CLIC5: variants seen among roughly 807,000 people sequenced by gnomAD.
CLIC5 encodes the protein chloride intracellular channel protein 5.
Under a neutral mutation model 24.7 loss-of-function variants are expected in CLIC5, and 20 were observed. The ratio of observed to expected loss-of-function variants is 0.81; its 90% confidence interval spans 0.57 to 1.18. The LOEUF is 1.18. Among genes scored for constraint, CLIC5 ranks in the 50% most tolerant of loss-of-function variants. The pLI is 0.00. For synonymous variants in CLIC5, 159 were observed against 135.6 expected, an observed-to-expected ratio of 1.17 and a Z score of -1.20; for missense variants, 341 against 326.1, an observed-to-expected ratio of 1.05 and a Z score of -0.35.
intron 4 of CLIC5, among the ~76,000 whole-genome samples, chr6:45,932,411 T>A (rs1024825491): frequency 2.0e-5 from 3 of 152,264 alleles, no homozygotes; most frequent in Admixed American, 2.0e-4. Flanking sequence ...CCGGCCTAAT[T>A]GTAAACTTTC....
chr6:46,076,785 A>G (rs1762782458), intron 1 of CLIC5, among the ~76,000 whole-genome samples: 1 of 151,964 alleles, frequency 6.6e-6, no homozygotes, highest in Non-Finnish European at 1.5e-5. Flanking sequence ...CATTAGCCCT[A>G]TTTTATATTT....
the CLIC5 span, among the ~76,000 whole-genome samples, chr6:46,105,562 A>G: frequency 6.6e-6 from 1 of 152,232 alleles, no homozygotes; most frequent in Admixed American, 6.5e-5. Context: ...TGTCTTTGAT[A>G]CCACATGAAA....
intron 4 of CLIC5, among the ~76,000 whole-genome samples, chr6:45,929,994 G>A (rs1210919690): frequency 3.3e-5 from 5 of 152,184 alleles, no homozygotes; most frequent in Non-Finnish European, 1.5e-5. Flanking sequence ...CGGGGGCTGG[G>A]GGCTGGGAGG....
At chr6:46,025,380 A>G (rs188807135) in intron 1 of CLIC5, among the ~76,000 whole-genome samples, 304 of 152,344 alleles carry the variant, frequency 2.0e-3, no homozygotes, top group Middle Eastern at 6.8e-3. Context: ...AAACTTCAGT[A>G]TGCGGGAGCT....
At chr6:46,112,489 G>A in the CLIC5 span, among the ~76,000 whole-genome samples, 36 of 152,182 alleles carry the variant, frequency 2.4e-4, no homozygotes, top group Admixed American at 5.9e-4. Flanking sequence ...ATGGTGTATC[G>A]GCTTCTGAAT....
Position 46,022,811 on chromosome 6 carries a change from C to T in CLIC5, c.540+56892G>A, listed in dbSNP as rs548434371. Among the ~76,000 whole-genome samples, 42 of 152,262 alleles carry T rather than the reference C, an allele frequency of 2.8e-4. No homozygotes were observed. In the East Asian group the frequency reaches 4.0e-3, roughly 15 times the overall value. On this transcript the variant is annotated intron_variant, in intron 1 of 5. Coordinates refer to the CLIC5 transcript ENST00000185206. ...GGGGTGTCTACTATGTGCCAGACAC[C>T]GCTCATACTCATTTTAGAAGCCCCT...
chr6:46,028,370 C>T (rs1302102330), intron 1 of CLIC5, among the ~76,000 whole-genome samples: 3 of 152,208 alleles, frequency 2.0e-5, no homozygotes, highest in African/African-American at 4.8e-5. Context: ...TGGTTGGAGT[C>T]ATTCACCACT....
intron 1 of CLIC5, among the ~76,000 whole-genome samples, chr6:45,958,447 T>TATACACACACACACACACACACACAC (rs1554151299): frequency 5.5e-5 from 4 of 72,274 alleles, no homozygotes; most frequent in Non-Finnish European, 1.2e-4. Context: ...TATATATATA[T>TATACACACACACACACACACACACAC]ATATATATAT....
intron 1 of CLIC5, among the ~76,000 whole-genome samples, chr6:45,970,630 T>C (rs1368109423): frequency 6.6e-6 from 1 of 152,224 alleles, no homozygotes; most frequent in Non-Finnish European, 1.5e-5. Context: ...AGTCAGTGGT[T>C]ATTTTCAAAA....
At chr6:46,028,231 T>C (rs1051553882) in intron 1 of CLIC5, among the ~76,000 whole-genome samples, 2 of 152,224 alleles carry the variant, frequency 1.3e-5, no homozygotes, top group Non-Finnish European at 2.9e-5. Context: ...CAAAGTGGTC[T>C]GATTGAGTTC....
intron 1 of CLIC5, among the ~76,000 whole-genome samples, chr6:46,062,852 T>C (rs142934177): frequency 2.5e-3 from 375 of 152,294 alleles, no homozygotes; most frequent in Non-Finnish European, 4.4e-3. Flanking sequence ...TTCTAGAGTT[T>C]TCTAAAGAAA....
chr6:45,982,539 A>G (rs762559900), intron 1 of CLIC5, among the ~76,000 whole-genome samples: 3 of 152,172 alleles, frequency 2.0e-5, no homozygotes, highest in East Asian at 1.9e-4. Context: ...TTCCTAGGCT[A>G]TAAACCTGTC....
chr6:46,006,957 C>A (rs959239091), intron 1 of CLIC5, among the ~76,000 whole-genome samples: 2 of 152,182 alleles, frequency 1.3e-5, no homozygotes, highest in African/African-American at 4.8e-5. Context: ...CAGTCATGAG[C>A]CACCATGCCC....
At chr6:45,919,567 A>G (rs776686170) in intron 4 of CLIC5, among the ~76,000 whole-genome samples, 2 of 151,586 alleles carry the variant, frequency 1.3e-5, no homozygotes, top group Admixed American at 6.6e-5. Flanking sequence ...TAGTTTTCCC[A>G]GGTCAAATGG....
intron 1 of CLIC5, among the ~76,000 whole-genome samples, chr6:45,986,789 C>T (rs1238575530): frequency 1.3e-5 from 2 of 151,180 alleles, no homozygotes; most frequent in Non-Finnish European, 2.9e-5. Flanking sequence ...CCCTGCATTC[C>T]ACAAGTACAG....
intron 3 of CLIC5, among the ~76,000 whole-genome samples, chr6:45,942,118 G>A (rs925892969): frequency 6.6e-6 from 1 of 152,166 alleles, no homozygotes; most frequent in South Asian, 2.1e-4. Context: ...GAGAAGCCAG[G>A]TATGTTAGCA....
At chr6:46,071,964 C>A (rs1340341980) in intron 1 of CLIC5, among the ~76,000 whole-genome samples, 2 of 152,000 alleles carry the variant, frequency 1.3e-5, no homozygotes, top group Non-Finnish European at 2.9e-5. Context: ...GGCCATTATC[C>A]TTAGCAAACT....
chr6:46,060,800 G>A (rs900924265), intron 1 of CLIC5, among the ~76,000 whole-genome samples: 5 of 152,134 alleles, frequency 3.3e-5, no homozygotes, highest in East Asian at 3.9e-4. Flanking sequence ...CCATCTCTGC[G>A]TGCCTTCAGT....
chr6:46,005,611 C>T (rs929701273), intron 1 of CLIC5, among the ~76,000 whole-genome samples: 3 of 152,124 alleles, frequency 2.0e-5, no homozygotes, highest in African/African-American at 7.2e-5. Context: ...ATCTGATCTG[C>T]TAGATCTGAA....
Sources: allele counts gnomAD v4.1 joint callset (sites outside exome capture counted in the v4.1 genomes callset), GRCh38; gene constraint gnomAD v4.1.1; transcripts MANE v1.5; gene names NCBI Gene and HGNC (gene_info 2026-07-23, HGNC 2026-07-21).